The following LRRTM4 variants were observed in gnomAD, a reference collection of about 807,000 sequenced individuals.
LRRTM4 encodes leucine rich repeat transmembrane neuronal 4, also known as leucine-rich repeat transmembrane neuronal protein 4.
A neutral mutation model predicts 47.6 loss-of-function variants in LRRTM4; 25 were observed. That is an observed-to-expected ratio of 0.53 (90% CI 0.38 to 0.73). The LOEUF is 0.73. Ranked by LOEUF, LRRTM4 falls within the 30% of genes least tolerant of loss-of-function variation. LRRTM4 has a pLI of 0.00. For synonymous variants in LRRTM4, 311 were observed against 269.5 expected (o/e 1.15, Z -1.51); for missense variants, 638 against 713.4 (o/e 0.89, Z 1.20).
intron 3 of LRRTM4, among the ~76,000 whole-genome samples, chr2:77,060,067 G>T (rs778501365): frequency 6.6e-6 from 1 of 152,180 alleles, no homozygotes; most frequent in African/African-American, 2.4e-5. Flanking sequence ...TGTCACCCAC[G>T]AACTAAGAGT....
At chr2:77,156,448 A>C (rs1672562812) in intron 3 of LRRTM4, among the ~76,000 whole-genome samples, 1 of 152,106 alleles carries the variant, frequency 6.6e-6, no homozygotes, top group Admixed American at 6.6e-5. Flanking sequence ...TAGTATATTC[A>C]AGCATGGGAA....
At chr2:76,858,343 A>G (rs1433881780) in intron 3 of LRRTM4, among the ~76,000 whole-genome samples, 2 of 152,186 alleles carry the variant, frequency 1.3e-5, no homozygotes, top group Admixed American at 1.3e-4. Flanking sequence ...AAACTGAGAC[A>G]TTGACTTTTT....
At chr2:76,781,665 A>G (rs367571455) in intron 3 of LRRTM4, among the ~76,000 whole-genome samples, 122 of 152,312 alleles carry the variant, frequency 8.0e-4, no homozygotes, top group East Asian at 3.1e-3. Flanking sequence ...GGCACTCCCA[A>G]TGAGATTAAC....
intron 3 of LRRTM4, among the ~76,000 whole-genome samples, chr2:77,065,986 A>G (rs942270560): frequency 3.9e-5 from 6 of 152,170 alleles, no homozygotes; most frequent in Non-Finnish European, 8.8e-5. Context: ...GATCTAATAG[A>G]TCTATACAGT....
At chr2:77,313,596 A>G (rs1410131111) in intron 3 of LRRTM4, among the ~76,000 whole-genome samples, 1 of 151,878 alleles carries the variant, frequency 6.6e-6, no homozygotes, top group Non-Finnish European at 1.5e-5. Flanking sequence ...CACCCTTCCT[A>G]GTTTTCTTCT....
intron 3 of LRRTM4, among the ~76,000 whole-genome samples, chr2:77,339,149 T>C (rs1671276656): frequency 6.6e-6 from 1 of 151,944 alleles, no homozygotes; most frequent in African/African-American, 2.4e-5. Flanking sequence ...TTTTGAGTAC[T>C]GTGTTCACTT....
intron 3 of LRRTM4, among the ~76,000 whole-genome samples, chr2:77,099,225 C>G (rs1264892113): frequency 1.3e-5 from 2 of 151,760 alleles, no homozygotes; most frequent in Non-Finnish European, 2.9e-5. Flanking sequence ...TACTATTCCT[C>G]TATAGAATAA....
intron 3 of LRRTM4, among the ~76,000 whole-genome samples, chr2:77,464,916 T>C (rs1676926743): frequency 6.6e-6 from 1 of 152,184 alleles, no homozygotes; most frequent in Non-Finnish European, 1.5e-5. Context: ...CACAGCTCTT[T>C]TAAAATATTC....
chr2:76,917,908 T>G (rs536458014), intron 3 of LRRTM4, among the ~76,000 whole-genome samples: 33 of 152,254 alleles, frequency 2.2e-4, no homozygotes, highest in African/African-American at 7.9e-4. Flanking sequence ...ATCCCTCTCT[T>G]TTTATAGTGG....
intron 3 of LRRTM4, among the ~76,000 whole-genome samples, chr2:76,784,652 T>G (rs549267517): frequency 4.9e-4 from 75 of 152,114 alleles, no homozygotes; most frequent in Non-Finnish European, 7.9e-4. Flanking sequence ...ATGATCAATG[T>G]AATGTTCTCT....
intron 3 of LRRTM4, among the ~76,000 whole-genome samples, chr2:77,240,435 G>GT (rs2103988679): frequency 6.6e-6 from 1 of 151,994 alleles, no homozygotes; most frequent in African/African-American, 2.4e-5. Flanking sequence ...GAAAGAAAAG[G>GT]TTTTTATCTT....
chr2:76,779,481 C>T lies in LRRTM4; in HGVS notation c.1552-30565G>A, dbSNP rs1294519703. On this transcript the variant is annotated intron_variant, in intron 3 of 3. Transcript: ENST00000409884. ...GCATATATATTTAGGATAGTTAGCT[C>T]TTCTTGTTGAATTGATCCCTTTACC... Among the ~76,000 whole-genome samples, 9 of 146,012 alleles carry T rather than the reference C, an allele frequency of 6.2e-5. 1 individual carries two copies. The South Asian group carries it at 1.8e-3, about 29-fold the overall frequency.
At chr2:77,488,097 G>T (rs528352809) in intron 3 of LRRTM4, among the ~76,000 whole-genome samples, 1 of 152,316 alleles carries the variant, frequency 6.6e-6, no homozygotes, top group South Asian at 2.1e-4. Context: ...GGAGGGAAGA[G>T]AGAAGGAGAG....
chr2:76,972,499 C>T (rs1676255844), intron 3 of LRRTM4, among the ~76,000 whole-genome samples: 1 of 147,072 alleles, frequency 6.8e-6, no homozygotes, highest in African/African-American at 2.5e-5. Context: ...CTCACTGCAA[C>T]CTCTGCCTCC....
chr2:77,458,279 G>A (rs531690940), intron 3 of LRRTM4, among the ~76,000 whole-genome samples: 1 of 152,208 alleles, frequency 6.6e-6, no homozygotes, highest in African/African-American at 2.4e-5. Flanking sequence ...TTGCCAGCAT[G>A]GAGTAACAAG....
rs1558782550 is a variant in LRRTM4, at chr2:77,519,792, A to G, written c.77T>C (p.Met26Thr). ...GCAAGCTCTCTGAGCACCCGTGAGC[A>G]TAACAAGCAGCAGTGTAGGAAGTAG... is the stretch of plus-strand genomic sequence containing the variant. ...LVLLPTLLLV[M>T]LTGAQRACPK... is the part of the protein sequence containing the mutation. The change falls in exon 3 of 4, where the codon ATG becomes ACG. Residue 26 changes from methionine to threonine, a missense_variant. Coordinates refer to ENST00000409884, the MANE Select transcript of LRRTM4 (RefSeq NM_001134745.3). This position sits in a 1 kb window ranked among gnomAD's most constrained non-coding sequence, Gnocchi z 4.6. The G allele has an allele frequency of 6.2e-7, 1 of 1,613,160 alleles. No homozygotes were observed. The highest frequency in any genetic ancestry group is 8.5e-7 in the Non-Finnish European group (1 of 1,179,492).
chr2:77,468,111 C>T (rs12468802), intron 3 of LRRTM4, among the ~76,000 whole-genome samples: 9,911 of 152,062 alleles, frequency 0.065, 478 homozygotes, highest in Admixed American at 0.17. Context: ...CTGCCAGTGA[C>T]GATGATGTGG....
intron 3 of LRRTM4, among the ~76,000 whole-genome samples, chr2:77,502,985 T>C (rs143605410): frequency 4.6e-5 from 7 of 150,658 alleles, no homozygotes; most frequent in Non-Finnish European, 1.0e-4. Flanking sequence ...TGAATGGAGA[T>C]TGTAGAGCAA....
chr2:77,007,573 G>C (rs1378821103), intron 3 of LRRTM4, among the ~76,000 whole-genome samples: 1 of 152,116 alleles, frequency 6.6e-6, no homozygotes, highest in East Asian at 1.9e-4. Flanking sequence ...CTGCCATAGT[G>C]CTTTTGCTGT....
Sources: allele counts gnomAD v4.1 joint callset (sites outside exome capture counted in the v4.1 genomes callset), GRCh38; gene constraint gnomAD v4.1.1; non-coding constraint Gnocchi (gnomAD v3.1); transcripts MANE v1.5; gene names NCBI Gene and HGNC (gene_info 2026-07-23, HGNC 2026-07-21).